KIF6: variants seen among roughly 807,000 people sequenced by gnomAD.
KIF6 encodes the protein kinesin-like protein KIF6.
Under a neutral mutation model 112.7 loss-of-function variants are expected in KIF6, and 106 were observed. That is an observed-to-expected ratio of 0.94 (90% CI 0.80 to 1.11). KIF6 has a LOEUF of 1.11. Ranked by LOEUF, KIF6 falls within the 50% of genes least tolerant of loss-of-function variation. The pLI, the probability that KIF6 is intolerant of heterozygous loss-of-function variation, is 0.00. For synonymous variants in KIF6, 339 were observed against 339.9 expected (o/e 1.00, Z 0.03); for missense variants, 929 against 964.0 (o/e 0.96, Z 0.48).
intron 13 of KIF6, among the ~76,000 whole-genome samples, chr6:39,466,124 G>A (rs910901426): frequency 1.3e-5 from 2 of 152,122 alleles, no homozygotes; most frequent in Non-Finnish European, 2.9e-5. Flanking sequence ...GTTAACACAG[G>A]GTCTCACGTG....
rs768207841 is a variant in KIF6 at position 39,584,881 on chromosome 6, C to T, written c.1077+17G>A. On this transcript the variant is annotated intron_variant, in intron 9 of 22. Transcript: ENST00000287152. ...TACTTTAATATATTTTTTAAAATAT[C>T]GTTAAAAGTTGCTTACTAATCTGGG... is the stretch of plus-strand genomic sequence containing the variant. The T allele has an allele frequency of 1.7e-5, 25 of 1,461,376 alleles. No individual in the cohort carries two copies. The highest frequency in any genetic ancestry group is 2.3e-5 in the Non-Finnish European group (24 of 1,045,416). The allele number at this position is 1,461,376 out of a possible 1,614,324, so 90.5% of individuals were successfully genotyped here.
chr6:39,718,582 C>CAA (rs34471947), intron 2 of KIF6: 47,016 of 147,040 alleles, frequency 0.32, 8,756 homozygotes, highest in Non-Finnish European at 0.4. Context: ...CAGTCTCTAC[C>CAA]AAAAAAAAAA....
intron 10 of KIF6, among the ~76,000 whole-genome samples, chr6:39,551,370 G>C (rs1465355047): frequency 6.6e-6 from 1 of 152,282 alleles, no homozygotes; most frequent in African/African-American, 2.4e-5. Context: ...AGGATAAAGA[G>C]AGGATGGTTA....
intron 3 of KIF6, among the ~76,000 whole-genome samples, chr6:39,695,688 A>G (rs1363806687): frequency 6.6e-6 from 1 of 152,228 alleles, no homozygotes; most frequent in Non-Finnish European, 1.5e-5. Context: ...ATCTTTCTAC[A>G]CTGTTCATGG....
At chr6:39,619,986 G>A (rs10947822) in intron 5 of KIF6, among the ~76,000 whole-genome samples, 13,296 of 151,922 alleles carry the variant, frequency 0.088, 1,134 homozygotes, top group East Asian at 0.38. Flanking sequence ...CATCAATGGC[G>A]CCCAAATCTA....
At chr6:39,652,655 T>C (rs553218299) in intron 3 of KIF6, among the ~76,000 whole-genome samples, 1 of 152,342 alleles carries the variant, frequency 6.6e-6, no homozygotes, top group South Asian at 2.1e-4. Flanking sequence ...AAAACTGAAC[T>C]TATGTTTTTT....
chr6:39,358,554 T>A (rs183663117), intron 18 of KIF6, among the ~76,000 whole-genome samples: 1 of 152,362 alleles, frequency 6.6e-6, no homozygotes, highest in East Asian at 1.9e-4. Context: ...CCTGGACACT[T>A]CCTGAGTTTC....
chr6:39,716,558 A>G (rs1789865604), intron 2 of KIF6, among the ~76,000 whole-genome samples: 1 of 152,214 alleles, frequency 6.6e-6, no homozygotes, highest in Non-Finnish European at 1.5e-5. Flanking sequence ...TCTGAAAACC[A>G]CTGAAGAGCA....
intron 16 of KIF6, among the ~76,000 whole-genome samples, chr6:39,362,960 C>T (rs1488128011): frequency 6.6e-6 from 1 of 152,130 alleles, no homozygotes; most frequent in Admixed American, 6.5e-5. Context: ...ACTGGCCTGG[C>T]CAACATGGTC....
chr6:39,564,079 G>GT (rs1222465302), intron 10 of KIF6, among the ~76,000 whole-genome samples: 1 of 152,200 alleles, frequency 6.6e-6, no homozygotes, highest in African/African-American at 2.4e-5. Flanking sequence ...AAATAGACAA[G>GT]TAAGTATACA....
At chr6:39,711,241 C>T (rs984156756) in intron 3 of KIF6, among the ~76,000 whole-genome samples, 2 of 26,602 alleles carry the variant, frequency 7.5e-5, no homozygotes, top group Non-Finnish European at 1.8e-4. Context: ...TTCATAAAAA[C>T]AAAAAAAGAA....
intron 13 of KIF6, among the ~76,000 whole-genome samples, chr6:39,452,806 C>T (rs1354862593): frequency 6.6e-6 from 1 of 152,146 alleles, no homozygotes; most frequent in Non-Finnish European, 1.5e-5. Flanking sequence ...AAAAATGGCA[C>T]AGAAAGCAAA....
At chr6:39,339,288 G>T (rs1763195745) in intron 22 of KIF6, among the ~76,000 whole-genome samples, 1 of 152,146 alleles carries the variant, frequency 6.6e-6, no homozygotes, top group South Asian at 2.1e-4. Flanking sequence ...AGATTATCTG[G>T]GAAAGGATCA....
intron 19 of KIF6, among the ~76,000 whole-genome samples, chr6:39,348,345 C>T (rs763730502): frequency 6.6e-6 from 1 of 151,992 alleles, no homozygotes; most frequent in African/African-American, 2.4e-5. Flanking sequence ...TAGAAGGGCA[C>T]GATCACACCG....
At chr6:39,659,411 T>C (rs1785995697) in intron 3 of KIF6, among the ~76,000 whole-genome samples, 1 of 152,208 alleles carries the variant, frequency 6.6e-6, no homozygotes, top group Admixed American at 6.5e-5. Context: ...TTCTGTATAT[T>C]GCCACAGAAC....
intron 14 of KIF6, among the ~76,000 whole-genome samples, chr6:39,420,644 G>C (rs938932225): frequency 6.6e-6 from 1 of 152,140 alleles, no homozygotes; most frequent in African/African-American, 2.4e-5. Context: ...CCGTTATTAA[G>C]CCAGATTTTG....
rs192875532 is a variant in KIF6 at position 39,511,093 on chromosome 6, G to C, written c.1645+28910C>G. Among the ~76,000 whole-genome samples, 143 of 152,178 alleles carry C rather than the reference G, an allele frequency of 9.4e-4. 2 individuals are homozygous for C. The highest frequency in any genetic ancestry group is 1.8e-4 in the Non-Finnish European group (12 of 68,004). The stretch of plus-strand genomic sequence containing the variant: ...TCTTAGAGAACTACAAAGAGACTTA[G>C]ACTACCACACAATAATAATGGGAGA... On this transcript the variant is annotated intron_variant, in intron 13 of 22. Transcript: ENST00000287152.
At chr6:39,354,272 G>T in intron 19 of KIF6, 1 of 188,844 alleles carries the variant, frequency 5.3e-6, no homozygotes. Flanking sequence ...CATACTGCAG[G>T]GCAGGAAACT....
intron 13 of KIF6, among the ~76,000 whole-genome samples, chr6:39,436,249 G>T (rs1311686839): frequency 6.6e-6 from 1 of 151,816 alleles, no homozygotes; most frequent in Non-Finnish European, 1.5e-5. Context: ...GTTCTTTGTA[G>T]ATTCTGGATA....
Sources: gnomAD v4.1 joint callset for allele counts (sites outside exome capture counted in the v4.1 genomes callset) on GRCh38, gnomAD v4.1.1 for gene constraint, MANE v1.5 for transcripts, NCBI Gene and HGNC (gene_info 2026-07-23, HGNC 2026-07-21) for gene names.